Variants in PPM1E observed in about 807,000 individuals in gnomAD.
PPM1E encodes the protein protein phosphatase, Mg2+/Mn2+ dependent 1E.
In PPM1E, 20 loss-of-function variants were observed where a neutral mutation model predicts 65.9. That is an observed-to-expected ratio of 0.30 (90% CI 0.21 to 0.44). The LOEUF (loss-of-function observed/expected upper bound fraction) is 0.44. PPM1E is among the 20% of genes least tolerant of loss of function. PPM1E has a pLI of 1.00. For synonymous variants in PPM1E, 352 were observed against 374.9 expected (o/e 0.94, Z 0.70); for missense variants, 713 against 953.1 (o/e 0.75, Z 3.32).
chr17:58,943,427 AG>A (rs1402221470), intron 1 of PPM1E, among the ~76,000 whole-genome samples: 1 of 152,244 alleles, frequency 6.6e-6, no homozygotes, highest in African/African-American at 2.4e-5. Flanking sequence ...GTGCCAACAT[AG>A]ATGAAAAAGT....
At position 58,923,378 on chromosome 17, in the gene PPM1E, A is replaced by G. The variant is rs980342533; in HGVS notation, c.465-32271A>G. 2.9e-4 allele frequency among the ~76,000 whole-genome samples: 44 copies of G among 151,414 alleles called. 1 individual carries two copies. The highest frequency in any genetic ancestry group is 2.7e-3 in the Admixed American group (41 of 15,210). On this transcript the variant is annotated intron_variant, in intron 1 of 6. Transcript: ENST00000308249. ...TTATTATCCCAAAGCTTTGGGAGGC[A>G]GAAGCTGGAGGATCACTTGAGGCCA...
chr17:58,928,209 G>T (rs560921593), intron 1 of PPM1E, among the ~76,000 whole-genome samples: 1 of 152,066 alleles, frequency 6.6e-6, no homozygotes, highest in African/African-American at 2.4e-5. Context: ...TCTAGGATGG[G>T]TGACAGAGCA....
intron 1 of PPM1E, among the ~76,000 whole-genome samples, chr17:58,773,569 C>T (rs920948669): frequency 2.0e-5 from 3 of 152,028 alleles, no homozygotes; most frequent in African/African-American, 4.8e-5. Flanking sequence ...TATTATAAGT[C>T]ATTTATATGC....
chr17:58,955,619 G>C, intron 1 of PPM1E, 30 bp from the exon 2 acceptor site: 1 of 1,610,306 alleles, frequency 6.2e-7, no homozygotes, highest in South Asian at 1.1e-5. Context: ...TTCTTTTGCT[G>C]AAAATGGCCT....
At chr17:58,920,885 A>G (rs1414165793) in intron 1 of PPM1E, among the ~76,000 whole-genome samples, 3 of 152,210 alleles carry the variant, frequency 2.0e-5, no homozygotes, top group Non-Finnish European at 4.4e-5. Context: ...GGGCATTACC[A>G]TTTTTAGAGA....
chr17:58,759,805 A>G (rs2049805404), intron 1 of PPM1E, among the ~76,000 whole-genome samples: 1 of 152,260 alleles, frequency 6.6e-6, no homozygotes, highest in Non-Finnish European at 1.5e-5. Flanking sequence ...ATCGCTGGTT[A>G]TAGACACTAA....
At chr17:58,920,199 C>G (rs772752346) in intron 1 of PPM1E, among the ~76,000 whole-genome samples, 2 of 152,164 alleles carry the variant, frequency 1.3e-5, no homozygotes, top group East Asian at 3.9e-4. Flanking sequence ...TAGCACTAAA[C>G]TTACTGTCCT....
chr17:58,827,911 A>AAATAAT (rs34556547), intron 1 of PPM1E, among the ~76,000 whole-genome samples: 1 of 144,684 alleles, frequency 6.9e-6, no homozygotes, highest in African/African-American at 2.6e-5. Context: ...CAAAAAAAAA[A>AAATAAT]AATAATAATA....
In PPM1E at chr17:58,945,162, C is replaced by T. The variant is rs1393716012; in HGVS notation, c.465-10487C>T. Among the ~76,000 whole-genome samples the T allele has an allele frequency of 5.8e-3, 737 of 126,316 alleles. 5 individuals are homozygous for T. Among genetic ancestry groups the T allele is most frequent in the African/African-American group, 0.019 (658 of 33,996 alleles). The allele number at this position is 126,316 out of a possible 152,430, so 82.9% of individuals were successfully genotyped here. A position where few individuals can be genotyped will look rare whatever the true frequency, so the allele number is the denominator to read the frequency against. ...CACACACTTCTTTTTTTTTTTTTTTCGAGACTGAGTCTCACTCTGTCATAC... is the reference window on the plus strand; with the variant it reads ...CACACACTTCTTTTTTTTTTTTTTTTGAGACTGAGTCTCACTCTGTCATAC... On this transcript the variant is annotated intron_variant, in intron 1 of 6. Coordinates refer to ENST00000308249, the MANE Select transcript of PPM1E (RefSeq NM_014906.5).
At chr17:58,842,485 G>A (rs1457108089) in intron 1 of PPM1E, among the ~76,000 whole-genome samples, 2 of 152,186 alleles carry the variant, frequency 1.3e-5, no homozygotes, top group African/African-American at 2.4e-5. Flanking sequence ...ATATGAAAAT[G>A]CTACACTATC....
chr17:58,972,373 TGGAG>T (rs1194279697), intron 5 of PPM1E, 98 bp downstream of exon 5: 3 of 1,303,612 alleles, frequency 2.3e-6, no homozygotes, highest in Non-Finnish European at 3.1e-6. Context: ...TTTTTTGAGA[TGGAG>T]TTTCACTCTG....
At chr17:58,781,677 G>A (rs879821518) in intron 1 of PPM1E, among the ~76,000 whole-genome samples, 12 of 151,814 alleles carry the variant, frequency 7.9e-5, no homozygotes, top group African/African-American at 1.7e-4. Flanking sequence ...TGAGGCAGGC[G>A]GATCACCTGA....
intron 1 of PPM1E, among the ~76,000 whole-genome samples, chr17:58,772,687 T>A (rs1025270301): frequency 3.9e-5 from 6 of 152,096 alleles, no homozygotes; most frequent in African/African-American, 1.4e-4. Context: ...TGGCTAACTT[T>A]TATTTCTCTT....
chr17:58,821,041 A>G (rs187030381), intron 1 of PPM1E, among the ~76,000 whole-genome samples: 38 of 152,074 alleles, frequency 2.5e-4, no homozygotes, highest in African/African-American at 8.4e-4. Flanking sequence ...CACATAAGTG[A>G]TTATTATTAT....
At chr17:58,790,849 A>G (rs1483920956) in intron 1 of PPM1E, among the ~76,000 whole-genome samples, 2 of 152,082 alleles carry the variant, frequency 1.3e-5, no homozygotes, top group Non-Finnish European at 2.9e-5. Context: ...ATCGAGAACT[A>G]CAGATCTGAG....
Position 58,895,100 on chromosome 17 carries a change from T to C in PPM1E, c.465-60549T>C, listed in dbSNP as rs1478719675. 2.0e-5 allele frequency among the ~76,000 whole-genome samples: 3 copies of C among 152,298 alleles called. No homozygotes were observed. In the East Asian group the frequency reaches 5.8e-4, roughly 29 times the overall value. ...ATTATTATTATATCTGTTATGGCCATCTGTAGTCGGTGATCTTTGATGTTA... is the reference window on the plus strand; with the variant it reads ...ATTATTATTATATCTGTTATGGCCACCTGTAGTCGGTGATCTTTGATGTTA... On this transcript the variant is annotated intron_variant, in intron 1 of 6. Coordinates refer to ENST00000308249, the MANE Select transcript of PPM1E (RefSeq NM_014906.5).
chr17:58,821,024 AGTT>A, intron 1 of PPM1E, among the ~76,000 whole-genome samples: 1 of 152,182 alleles, frequency 6.6e-6, no homozygotes, highest in East Asian at 1.9e-4. Flanking sequence ...ATAAGTGATA[AGTT>A]GTTCACATAA....
intron 1 of PPM1E, among the ~76,000 whole-genome samples, chr17:58,948,494 G>C (rs2052193268): frequency 6.6e-6 from 1 of 152,082 alleles, no homozygotes; most frequent in East Asian, 1.9e-4. Flanking sequence ...TCCAATGAGA[G>C]TTTAATTTTT....
chr17:58,981,463 T>TTTGG lies in PPM1E; in HGVS notation c.*437_*440dup, dbSNP rs2031351480. 6.5e-6 allele frequency: 1 copy of TTTGG among 154,932 alleles called. No homozygotes were observed. Among genetic ancestry groups the TTTGG allele is most frequent in the Admixed American group, 6.4e-5 (1 of 15,546 alleles). The allele number at this position is 154,932 out of a possible 1,614,324, so 9.6% of individuals were successfully genotyped here. A position where few individuals can be genotyped will look rare whatever the true frequency, so the allele number is the denominator to read the frequency against. On this transcript the variant is annotated 3_prime_UTR_variant, in exon 7 of 7. Transcript: ENST00000308249. ...GTGGAAAATTTAATGCTGAATTACA[T>TTTGG]TTGGTTGGGAAATGTCCCTCAAAAT...
Sources: gnomAD v4.1 joint callset for allele counts (sites outside exome capture counted in the v4.1 genomes callset) on GRCh38, gnomAD v4.1.1 for gene constraint, MANE v1.5 for transcripts, NCBI Gene and HGNC (gene_info 2026-07-23, HGNC 2026-07-21) for gene names.